PARD3B: variants seen among roughly 807,000 people sequenced by gnomAD.
The protein encoded by PARD3B is partitioning defective 3 homolog B.
PARD3B carries 103 observed loss-of-function variants against 130.2 expected under a neutral mutation model. That is an observed-to-expected ratio of 0.79 (90% CI 0.67 to 0.93). The LOEUF (loss-of-function observed/expected upper bound fraction) is 0.93, where lower values mean the gene tolerates loss of function less well. PARD3B is among the 40% of genes least tolerant of loss of function. PARD3B has a pLI of 0.00. For synonymous variants in PARD3B, 583 were observed against 553.2 expected (o/e 1.05, Z -0.76); for missense variants, 1,609 against 1,499.2 (o/e 1.07, Z -1.21).
intron 21 of PARD3B, among the ~76,000 whole-genome samples, chr2:205,520,682 C>A (rs1266386659): frequency 6.6e-6 from 1 of 151,416 alleles, no homozygotes; most frequent in Non-Finnish European, 1.5e-5. Context: ...TATTTTCTTT[C>A]TATACACACA....
intron 1 of PARD3B, among the ~76,000 whole-genome samples, chr2:204,631,682 G>A (rs2034686021): frequency 6.6e-6 from 1 of 152,218 alleles, no homozygotes; most frequent in East Asian, 1.9e-4. Flanking sequence ...TTTTTAATGT[G>A]GTTGCTTCAT....
At chr2:205,043,371 T>C (rs996630844) in intron 3 of PARD3B, among the ~76,000 whole-genome samples, 6 of 152,154 alleles carry the variant, frequency 3.9e-5, no homozygotes, top group Non-Finnish European at 8.8e-5. Context: ...TATGCATGCC[T>C]TAATTTATTT....
intron 18 of PARD3B, among the ~76,000 whole-genome samples, chr2:205,381,465 C>G (rs2045446699): frequency 6.6e-6 from 1 of 151,344 alleles, no homozygotes; most frequent in East Asian, 1.9e-4. Flanking sequence ...TAGATAATGC[C>G]AAGCTTTGGA....
At chr2:205,127,158 A>G (rs893462558) in intron 10 of PARD3B, among the ~76,000 whole-genome samples, 3 of 151,776 alleles carry the variant, frequency 2.0e-5, no homozygotes, top group South Asian at 2.1e-4. Context: ...GTAGCCAGGC[A>G]TGGTGGCATG....
intron 22 of PARD3B, among the ~76,000 whole-genome samples, chr2:205,569,041 G>A (rs2053465969): frequency 6.6e-6 from 1 of 152,152 alleles, no homozygotes; most frequent in African/African-American, 2.4e-5. Context: ...CACCAGCACT[G>A]ACTATAAATC....
intron 2 of PARD3B, among the ~76,000 whole-genome samples, chr2:204,725,527 TATA>T (rs1382907127): frequency 2.6e-5 from 4 of 152,220 alleles, no homozygotes; most frequent in Non-Finnish European, 5.9e-5. Context: ...ACCTTAGAAC[TATA>T]ATCAAGTCAG....
chr2:204,641,076 T>C (rs1343233662), intron 1 of PARD3B, among the ~76,000 whole-genome samples: 1 of 148,096 alleles, frequency 6.8e-6, no homozygotes, highest in Non-Finnish European at 1.5e-5. Flanking sequence ...ATATATTGTA[T>C]ATTACTATAT....
intron 4 of PARD3B, among the ~76,000 whole-genome samples, chr2:205,090,757 T>C (rs1702055375): frequency 6.6e-6 from 1 of 152,104 alleles, no homozygotes; most frequent in South Asian, 2.1e-4. Context: ...CACTGTGCTC[T>C]TGGAGCCTCT....
chr2:205,199,829 C>T (rs887311513), intron 15 of PARD3B, among the ~76,000 whole-genome samples: 3 of 152,006 alleles, frequency 2.0e-5, no homozygotes, highest in Admixed American at 1.3e-4. Flanking sequence ...ATAAAGTGGC[C>T]GTCCCTGATC....
At chr2:204,926,760 A>G (rs1330379376) in intron 2 of PARD3B, among the ~76,000 whole-genome samples, 1 of 152,120 alleles carries the variant, frequency 6.6e-6, no homozygotes. Flanking sequence ...CACTCTAGCA[A>G]TTTCTAAATA....
intron 2 of PARD3B, among the ~76,000 whole-genome samples, chr2:204,701,932 G>A (rs1310228686): frequency 6.6e-6 from 1 of 151,862 alleles, no homozygotes; most frequent in Admixed American, 6.6e-5. Context: ...GTCTATTGTT[G>A]CCATCTTTAT....
rs952503113 is a variant in PARD3B at position 205,311,398 on chromosome 2, G to A, written c.2630+9697G>A. On this transcript the variant is annotated intron_variant, in intron 18 of 22. Coordinates refer to ENST00000406610, the MANE Select transcript of PARD3B (RefSeq NM_001302769.2). Reference sequence around the variant, plus strand: ...TGATGTCTCATTGTGGTTTTAATTTGCATTTCCCTGATGATTCGTGATATC... The same window carrying A: ...TGATGTCTCATTGTGGTTTTAATTTACATTTCCCTGATGATTCGTGATATC... Among the ~76,000 whole-genome samples the A allele has an allele frequency of 1.1e-3, 164 of 152,086 alleles. 1 individual carries two copies. The highest frequency in any genetic ancestry group is 1.2e-4 in the Non-Finnish European group (8 of 67,992).
chr2:205,388,249 C>A (rs1166041538), intron 18 of PARD3B, among the ~76,000 whole-genome samples: 1 of 152,132 alleles, frequency 6.6e-6, no homozygotes, highest in African/African-American at 2.4e-5. Context: ...CACTGGCAGC[C>A]ATTTTGAACT....
At chr2:205,404,260 A>G (rs1574936372) in intron 19 of PARD3B, among the ~76,000 whole-genome samples, 1 of 152,240 alleles carries the variant, frequency 6.6e-6, no homozygotes, top group Admixed American at 6.5e-5. Flanking sequence ...TGTGCCAAGT[A>G]CTACATTGAA....
chr2:205,070,984 G>A (rs886614570), intron 4 of PARD3B, among the ~76,000 whole-genome samples: 1 of 151,788 alleles, frequency 6.6e-6, no homozygotes, highest in African/African-American at 2.4e-5. Flanking sequence ...GAAATAAAGT[G>A]CATACTGTTA....
chr2:205,385,236 C>T (rs1270265678), intron 18 of PARD3B, among the ~76,000 whole-genome samples: 1 of 151,910 alleles, frequency 6.6e-6, no homozygotes, highest in Non-Finnish European at 1.5e-5. Flanking sequence ...TTTTCAAGTA[C>T]TTCTTATACT....
chr2:205,299,392 T>C (rs1574633255), intron 16 of PARD3B, among the ~76,000 whole-genome samples: 1 of 152,122 alleles, frequency 6.6e-6, no homozygotes, highest in East Asian at 1.9e-4. Context: ...TATTGATAAA[T>C]GACACAGTCG....
intron 2 of PARD3B, among the ~76,000 whole-genome samples, chr2:204,865,436 A>G (rs1402834935): frequency 2.0e-5 from 3 of 152,234 alleles, no homozygotes; most frequent in African/African-American, 4.8e-5. Context: ...TATATATACC[A>G]TGGAATACTA....
At position 205,383,139 on chromosome 2, in the gene PARD3B, G is replaced by GATAGATAGATAGATAGATAGATAA. The variant is rs1480539066; in HGVS notation, c.2631-17872_2631-17871insAGATAGATAGATAGATAGATAAAT. On this transcript the variant is annotated intron_variant, in intron 18 of 22. Transcript: ENST00000406610. ...AGATAGATAGATAGATAGATAGATA[G>GATAGATAGATAGATAGATAGATAA]ATCGATCTAAACTATGTCTACACAT... Among the ~76,000 whole-genome samples, 20 of 129,864 alleles carry GATAGATAGATAGATAGATAGATAA rather than the reference G, an allele frequency of 1.5e-4. 1 individual carries two copies. The highest frequency in any genetic ancestry group is 5.2e-4 in the Admixed American group (7 of 13,534). 85.2% of individuals were successfully genotyped at this position (129,864 alleles called of 152,430 possible).
Sources: gnomAD v4.1 joint callset for allele counts (sites outside exome capture counted in the v4.1 genomes callset) on GRCh38, gnomAD v4.1.1 for gene constraint, MANE v1.5 for transcripts, NCBI Gene and HGNC (gene_info 2026-07-23, HGNC 2026-07-21) for gene names.